The following PJA2 variants were observed in gnomAD, a reference collection of about 807,000 sequenced individuals.
PJA2 encodes the protein E3 ubiquitin-protein ligase Praja-2.
In PJA2, 25 loss-of-function variants were observed where a neutral mutation model predicts 69.3. The observed-to-expected ratio is 0.36, with a 90% CI of 0.26 to 0.50. PJA2 has a LOEUF of 0.50. PJA2 is among the 20% of genes least tolerant of loss of function. PJA2 has a pLI of 0.96. For missense variants in PJA2, 809 were observed against 830.2 expected (o/e 0.97, Z 0.31); for synonymous variants, 308 against 277.8 (o/e 1.11, Z -1.08).
intron 1 of PJA2, among the ~76,000 whole-genome samples, chr5:109,393,856 T>C (rs1306147654): frequency 2.0e-5 from 3 of 151,874 alleles, no homozygotes; most frequent in African/African-American, 4.8e-5. Context: ...AACAGCCAAA[T>C]ACAAAAAAAT....
chr5:109,344,091 T>G, intron 9 of PJA2, 99 bp downstream of exon 9: 1 of 937,858 alleles, frequency 1.1e-6, no homozygotes, highest in East Asian at 3.0e-5. Context: ...GAGCGAAACT[T>G]TGTCTCACCA....
chr5:109,371,886 G>C (rs1375568834), intron 4 of PJA2, among the ~76,000 whole-genome samples: 1 of 152,148 alleles, frequency 6.6e-6, no homozygotes, highest in East Asian at 1.9e-4. Flanking sequence ...ACCTCTCTAT[G>C]CCTTTTTAGC....
At chr5:109,384,104 TAAAC>T (rs1489915868) in intron 1 of PJA2, among the ~76,000 whole-genome samples, 1 of 152,188 alleles carries the variant, frequency 6.6e-6, no homozygotes, top group Non-Finnish European at 1.5e-5. Context: ...AATTTGTAAG[TAAAC>T]AAACAAAAAT....
chr5:109,339,631 T>C (rs1185247119), intron 9 of PJA2, among the ~76,000 whole-genome samples: 1 of 152,192 alleles, frequency 6.6e-6, no homozygotes, highest in Non-Finnish European at 1.5e-5. Context: ...CATTTTCTGC[T>C]TCCCCAATAA....
At chr5:109,358,222 G>A (rs1262302241) in intron 6 of PJA2, among the ~76,000 whole-genome samples, 2 of 152,226 alleles carry the variant, frequency 1.3e-5, no homozygotes, top group Non-Finnish European at 2.9e-5. Flanking sequence ...CCCGCCCAGG[G>A]AGGGAAACCG....
chr5:109,380,824 G>C (rs909523410), intron 3 of PJA2, among the ~76,000 whole-genome samples: 1 of 85,070 alleles, frequency 1.2e-5, no homozygotes, highest in African/African-American at 3.6e-5. Context: ...AAAAAAAAAA[G>C]AACGCCAGGC....
chr5:109,387,828 G>C (rs530460221), intron 1 of PJA2, among the ~76,000 whole-genome samples: 1,833 of 3,792 alleles, frequency 0.48, 48 homozygotes, highest in African/African-American at 0.51. Context: ...AAAGACAAAG[G>C]CCTGTTTATT....
At chr5:109,394,339 T>C (rs1375506026) in intron 1 of PJA2, among the ~76,000 whole-genome samples, 2 of 152,106 alleles carry the variant, frequency 1.3e-5, no homozygotes, top group Non-Finnish European at 2.9e-5. Context: ...TGAGCCGCCA[T>C]GCCCAGCCAC....
chr5:109,368,712 A>G lies in PJA2; in HGVS notation c.1318T>C (p.Leu440=), dbSNP rs777107652. The G allele has an allele frequency of 1.2e-6, 2 of 1,614,056 alleles. No individual in the cohort carries two copies. The highest frequency in any genetic ancestry group is 1.7e-6 in the Non-Finnish European group (2 of 1,179,994). Residue 440 remains leucine (L), a synonymous_variant, in exon 5 of 10, where the codon TTG becomes CTG. Coordinates refer to ENST00000361189, the MANE Select transcript of PJA2 (RefSeq NM_014819.5). Reference sequence around the variant, plus strand: ...TCTGTACCAGAAAATCGATGAGGCAAAGAAGCAGACCATTCCCCATCACTG... The same window carrying G: ...TCTGTACCAGAAAATCGATGAGGCAGAGAAGCAGACCATTCCCCATCACTG... ...ECSDGEWSAS[L]PHRFSGTEKD... is the part of the protein sequence containing the mutation.
intron 5 of PJA2, among the ~76,000 whole-genome samples, chr5:109,364,622 CA>C (rs200663624): frequency 0.036 from 2,241 of 61,872 alleles, 35 homozygotes; most frequent in African/African-American, 0.11. Context: ...GACTCTGTCT[CA>C]AAAAAAAAAA....
At chr5:109,383,726 A>C (rs1747100319) in intron 1 of PJA2, among the ~76,000 whole-genome samples, 1 of 152,114 alleles carries the variant, frequency 6.6e-6, no homozygotes, top group African/African-American at 2.4e-5. Flanking sequence ...TGAGCTCAGG[A>C]ATTCGAGAAC....
In PJA2 at chr5:109,362,913, C is replaced by T; in HGVS notation, c.1579G>A (p.Ala527Thr). 1 of 1,613,826 alleles carries T rather than the reference C, an allele frequency of 6.2e-7. No homozygotes were observed. Among genetic ancestry groups the T allele is most frequent in the Non-Finnish European group, 8.5e-7 (1 of 1,179,796 alleles). The change falls in exon 6 of 10, where the codon GCT becomes ACT. Residue 527 changes from alanine to threonine, a missense_variant. Physicochemically the swap from Ala to Thr is moderately conservative, Grantham distance 58 (BLOSUM62 0). Transcript: ENST00000361189. ...NEPANEFAQP[A>T]FMLDGNNNLE... ...TTATTGTTACCATCCAACATGAAAG[C>T]TGGCTGTGCAAATTCATTGGCAGGT...
At chr5:109,405,393 A>G (rs1180352137) in intron 1 of PJA2, among the ~76,000 whole-genome samples, 1 of 152,226 alleles carries the variant, frequency 6.6e-6, no homozygotes, top group Non-Finnish European at 1.5e-5. Flanking sequence ...AAATCCCTTC[A>G]GGTCTTTTTG....
In PJA2 at chr5:109,344,816, C is replaced by G; in HGVS notation, c.1768G>C (p.Ala590Pro). Residue 590 changes from alanine to proline, a missense_variant, in exon 8 of 10, where the codon GCT (alanine) becomes CCT (proline). Coordinates refer to ENST00000361189, the MANE Select transcript of PJA2 (RefSeq NM_014819.5). The part of the protein sequence containing the change: ...EERLAQAMET[A>P]LAHLESLAVD... ...GCAAGAGACTCTAAATGGGCCAGAG[C>G]AGTCTGAAAAACAAAAGGTACAGTT... 1 of 1,605,470 alleles carries G rather than the reference C, an allele frequency of 6.2e-7. No individual in the cohort carries two copies. The highest frequency in any genetic ancestry group is 8.5e-7 in the Non-Finnish European group (1 of 1,174,538).
chr5:109,387,880 ATATT>A (rs1157600883), intron 1 of PJA2, among the ~76,000 whole-genome samples: 1 of 152,230 alleles, frequency 6.6e-6, no homozygotes, highest in Non-Finnish European at 1.5e-5. Context: ...GTCTGACAGT[ATATT>A]TAAACAGTTA....
chr5:109,377,441 C>A (rs945541897), intron 4 of PJA2, among the ~76,000 whole-genome samples: 5 of 151,856 alleles, frequency 3.3e-5, no homozygotes, highest in Non-Finnish European at 5.9e-5. Flanking sequence ...CCATTTTTTT[C>A]TTTTTCTGTT....
intron 4 of PJA2, among the ~76,000 whole-genome samples, chr5:109,374,006 A>G (rs1762718668): frequency 6.6e-6 from 1 of 152,218 alleles, no homozygotes; most frequent in Admixed American, 6.5e-5. Context: ...GGAGCCTAGG[A>G]AAAAGTGAAA....
chr5:109,364,622 C>CAAAAAAAAAAAAAA (rs200663624), intron 5 of PJA2, among the ~76,000 whole-genome samples: 2 of 61,872 alleles, frequency 3.2e-5, no homozygotes, highest in African/African-American at 5.4e-5. Flanking sequence ...GACTCTGTCT[C>CAAAAAAAAAAAAAA]AAAAAAAAAA....
chr5:109,407,270 C>T (rs1561369246), intron 1 of PJA2, among the ~76,000 whole-genome samples: 1 of 152,102 alleles, frequency 6.6e-6, no homozygotes, highest in Non-Finnish European at 1.5e-5. Flanking sequence ...CCAGGGAATA[C>T]TGGTGATGCC....
Sources: gnomAD v4.1 joint callset for allele counts (sites outside exome capture counted in the v4.1 genomes callset) on GRCh38, gnomAD v4.1.1 for gene constraint, MANE v1.5 for transcripts, NCBI Gene and HGNC (gene_info 2026-07-23, HGNC 2026-07-21) for gene names.